B4GALT1: variants seen among roughly 807,000 people sequenced by gnomAD.
The protein encoded by B4GALT1 is beta-1,4-galactosyltransferase 1, also known as N-acetyllactosamine synthase.
In B4GALT1, 16 loss-of-function variants were observed where a neutral mutation model predicts 34.9. The observed-to-expected ratio is 0.46, with a 90% CI of 0.31 to 0.70. The LOEUF (loss-of-function observed/expected upper bound fraction) is 0.70. Ranked by LOEUF, B4GALT1 falls within the 30% of genes least tolerant of loss-of-function variation. The probability of loss-of-function intolerance (pLI) is 0.05; values close to 1 mark genes in which losing one functional copy is unlikely to be tolerated. For synonymous variants in B4GALT1, 221 were observed against 218.1 expected (o/e 1.01, Z -0.12); for missense variants, 445 against 530.5 (o/e 0.84, Z 1.58).
chr9:33,175,020 T>TATATATATATATATATATATATATATAA, the B4GALT1 span, among the ~76,000 whole-genome samples: 4 of 39,072 alleles, frequency 1.0e-4, no homozygotes, highest in African/African-American at 1.4e-4. Context: ...TATATATATA[T>TATATATATATATATATATATATATATAA]AAAATTGGAG....
chr9:33,105,035 G>A (rs1014795594), intron 2 of B4GALT1, among the ~76,000 whole-genome samples: 1 of 151,918 alleles, frequency 6.6e-6, no homozygotes, highest in African/African-American at 2.4e-5. Context: ...GGCCAGGCTG[G>A]TCTCAAACTC....
chr9:33,157,458 A>C (rs1840612739), intron 1 of B4GALT1, among the ~76,000 whole-genome samples: 1 of 152,252 alleles, frequency 6.6e-6, no homozygotes, highest in Admixed American at 6.5e-5. Flanking sequence ...TGCTAATGGA[A>C]TATCTATAAG....
intron 2 of B4GALT1, among the ~76,000 whole-genome samples, chr9:33,129,675 A>C (rs550457634): frequency 1.3e-5 from 2 of 152,352 alleles, no homozygotes; most frequent in African/African-American, 4.8e-5. Flanking sequence ...TGGAACTCAG[A>C]TAATCATCCC....
chr9:33,106,042 T>G (rs1455683538), downstream of B4GALT1, among the ~76,000 whole-genome samples: 5 of 152,130 alleles, frequency 3.3e-5, no homozygotes, highest in Non-Finnish European at 7.3e-5. Context: ...TTCCATACCA[T>G]TTTCCATAGG....
At chr9:33,120,686 C>A in intron 2 of B4GALT1, 80 bp from the exon 3 acceptor site, 1 of 1,429,612 alleles carries the variant, frequency 7.0e-7, no homozygotes, top group South Asian at 1.2e-5. Context: ...GTGACTTGTC[C>A]ACTACACATG....
intron 1 of B4GALT1, among the ~76,000 whole-genome samples, chr9:33,153,672 A>G (rs943349197): frequency 8.5e-5 from 13 of 152,164 alleles, no homozygotes; most frequent in Admixed American, 7.2e-4. Flanking sequence ...AAAAAATAGA[A>G]GGTCTGAATA....
chr9:33,107,481 C>T (rs1455539501), downstream of B4GALT1, among the ~76,000 whole-genome samples: 1 of 152,138 alleles, frequency 6.6e-6, no homozygotes, highest in Non-Finnish European at 1.5e-5. Flanking sequence ...ATGTCTCGCC[C>T]AGGGAGGCGC....
chr9:33,132,683 T>G (rs573495449), intron 2 of B4GALT1, among the ~76,000 whole-genome samples: 9 of 152,180 alleles, frequency 5.9e-5, no homozygotes, highest in Non-Finnish European at 1.3e-4. Context: ...GGGGAGTATG[T>G]AAATTGTATC....
chr9:33,178,075 T>A, the B4GALT1 span, among the ~76,000 whole-genome samples: 1 of 139,384 alleles, frequency 7.2e-6, no homozygotes, highest in African/African-American at 2.7e-5. Flanking sequence ...CACTGCAACC[T>A]CCACCTCTTG....
upstream of B4GALT1, among the ~76,000 whole-genome samples, chr9:33,168,923 T>C (rs1840811801): frequency 1.3e-5 from 2 of 152,232 alleles, no homozygotes; most frequent in Admixed American, 6.5e-5. Flanking sequence ...AGTGATACTA[T>C]TGTTTATTCA....
At position 33,112,012 on chromosome 9, in the gene B4GALT1, AG is replaced by A. The variant is rs1839869933; in HGVS notation, c.*1441del. 6.5e-6 allele frequency: 1 copy of A among 152,846 alleles called. No individual in the cohort carries two copies. Among genetic ancestry groups the A allele is most frequent in the African/African-American group, 2.4e-5 (1 of 41,580 alleles). The allele number at this position is 152,846 out of a possible 1,614,324, so 9.5% of individuals were successfully genotyped here. A position where few individuals can be genotyped will look rare whatever the true frequency, so the allele number is the denominator to read the frequency against. On this transcript the variant is annotated 3_prime_UTR_variant, in exon 6 of 6. Coordinates refer to ENST00000379731, the MANE Select transcript of B4GALT1 (RefSeq NM_001497.4). ...GGCACATTCATGCTGGGGAATGGAT[AG>A]TCTGTTTGACCCTGAGTGCCACAGT...
chr9:33,162,218 C>T (rs566918718), intron 1 of B4GALT1, among the ~76,000 whole-genome samples: 1 of 152,218 alleles, frequency 6.6e-6, no homozygotes, highest in Non-Finnish European at 1.5e-5. Context: ...TTCACACAAC[C>T]AAATAAAACC....
chr9:33,166,885 G>A lies in B4GALT1; in HGVS notation c.285C>T (p.Arg95=). The change falls in exon 1 of 6, where the codon CGC becomes CGT. Residue 95 remains arginine (R), a synonymous_variant. Transcript: ENST00000379731. ...PPPLGASSQP[R]PGGDSSPVVD... ...CGACTGGGCTGGAGTCGCCACCCGG[G>A]CGCGGCTGGGAGGAGGCGCCTAGAG... 6.3e-7 allele frequency: 1 copy of A among 1,578,050 alleles called. No individual in the cohort carries two copies. Among genetic ancestry groups the A allele is most frequent in the Non-Finnish European group, 8.6e-7 (1 of 1,168,970 alleles).
the B4GALT1 span, among the ~76,000 whole-genome samples, chr9:33,185,086 G>C: frequency 6.6e-6 from 1 of 152,174 alleles, no homozygotes; most frequent in African/African-American, 2.4e-5. Flanking sequence ...AGCCACAGCT[G>C]TCTGGGCCAG....
chr9:33,140,254 C>T (rs879879039), intron 1 of B4GALT1, among the ~76,000 whole-genome samples: 2 of 152,158 alleles, frequency 1.3e-5, no homozygotes, highest in Non-Finnish European at 2.9e-5. Context: ...ACTGATTGGC[C>T]AGTGGGTCGA....
At chr9:33,132,036 GA>G (rs1840200193) in intron 2 of B4GALT1, among the ~76,000 whole-genome samples, 1 of 151,794 alleles carries the variant, frequency 6.6e-6, no homozygotes, top group Non-Finnish European at 1.5e-5. Flanking sequence ...GGGGAAGTGG[GA>G]GAAAAAGCAG....
At chr9:33,123,644 G>A (rs897556033) in intron 2 of B4GALT1, among the ~76,000 whole-genome samples, 1 of 152,188 alleles carries the variant, frequency 6.6e-6, no homozygotes, top group Non-Finnish European at 1.5e-5. Context: ...AGGGCTCTTT[G>A]AGGCCATGTC....
the B4GALT1 span, among the ~76,000 whole-genome samples, chr9:33,173,050 A>G: frequency 6.6e-6 from 1 of 152,182 alleles, no homozygotes; most frequent in Non-Finnish European, 1.5e-5. Context: ...GCAACCGAGT[A>G]CAGGGTGTTG....
At chr9:33,105,938 T>TG (rs1262424921), downstream of B4GALT1, among the ~76,000 whole-genome samples, 2 of 147,646 alleles carry the variant, frequency 1.4e-5, no homozygotes, top group Non-Finnish European at 3.0e-5. Flanking sequence ...AACTAGTATC[T>TG]GCTCAGGCTC....
Sources: allele counts gnomAD v4.1 joint callset (sites outside exome capture counted in the v4.1 genomes callset), GRCh38; gene constraint gnomAD v4.1.1; transcripts MANE v1.5; gene names NCBI Gene and HGNC (gene_info 2026-07-23, HGNC 2026-07-21).